DMD: variants seen among roughly 807,000 people sequenced by gnomAD.
The protein encoded by DMD is mutant dystrophin.
DMD carries 63 observed loss-of-function variants against 330.1 expected under a neutral mutation model. The observed-to-expected ratio is 0.19, with a 90% CI of 0.16 to 0.24. The LOEUF (loss-of-function observed/expected upper bound fraction) is 0.24, where lower values mean the gene tolerates loss of function less well. DMD is among the 10% of genes least tolerant of loss of function. The pLI, the probability that DMD is intolerant of heterozygous loss-of-function variation, is 1.00. For missense variants in DMD, 3,344 were observed against 2,684.1 expected (o/e 1.25, Z -5.43); for synonymous variants, 1,223 against 959.8 (o/e 1.27, Z -5.07).
intron 44 of DMD, among the ~76,000 whole-genome samples, chrX:32,024,183 G>A (rs931610168): frequency 8.9e-6 from 1 of 111,959 alleles, no homozygotes; most frequent in Non-Finnish European, 1.9e-5. Context: ...TGTGTACTTC[G>A]CTTAAAATAT....
intron 47 of DMD, among the ~76,000 whole-genome samples, chrX:31,906,002 A>G (rs1179212737): frequency 8.9e-6 from 1 of 111,931 alleles, no homozygotes; most frequent in African/African-American, 3.2e-5. Flanking sequence ...GTCTGTACCA[A>G]AAGCTCATCT....
At chrX:31,854,847 C>T (rs1020490488) in intron 48 of DMD, among the ~76,000 whole-genome samples, 1 of 111,139 alleles carries the variant, frequency 9.0e-6, no homozygotes, top group Admixed American at 9.6e-5. Context: ...CGGGAGCTAC[C>T]CTGTGTACTG....
At chrX:31,930,639 G>C (rs6631435) in intron 46 of DMD, among the ~76,000 whole-genome samples, 1 of 111,789 alleles carries the variant, frequency 8.9e-6, no homozygotes, top group Admixed American at 9.6e-5. Context: ...GTATTCAAAA[G>C]GCACAAATAG....
intron 41 of DMD, among the ~76,000 whole-genome samples, chrX:32,332,838 AT>A (rs66969055): frequency 0.051 from 5,494 of 106,999 alleles, 336 homozygotes; most frequent in African/African-American, 0.17. Context: ...GCATGCGTAG[AT>A]TTTTTTTTTT....
At chrX:31,228,275 TAAA>T (rs779738772) in intron 63 of DMD, among the ~76,000 whole-genome samples, 941 of 83,958 alleles carry the variant, frequency 0.011, 18 homozygotes, top group African/African-American at 0.037. Context: ...AATAAAAAAA[TAAA>T]AAAAAAAAAA....
intron 41 of DMD, among the ~76,000 whole-genome samples, chrX:32,321,787 A>C (rs941110969): frequency 8.9e-6 from 1 of 112,001 alleles, no homozygotes; most frequent in African/African-American, 3.2e-5. Context: ...CTTAGGCATG[A>C]GAGAAAATAA....
chrX:32,539,802 A>T (rs2048332385), intron 17 of DMD, among the ~76,000 whole-genome samples: 1 of 111,692 alleles, frequency 9.0e-6, no homozygotes, highest in Admixed American at 9.5e-5. Flanking sequence ...AGTAGAATAT[A>T]TAATAATAAT....
At chrX:31,502,939 A>T (rs2070552623) in intron 56 of DMD, among the ~76,000 whole-genome samples, 1 of 111,926 alleles carries the variant, frequency 8.9e-6, no homozygotes, top group Non-Finnish European at 1.9e-5. Flanking sequence ...GTGTGTGTAC[A>T]TTTAAGTAAA....
At chrX:32,608,197 A>G (rs1403346845) in intron 12 of DMD, among the ~76,000 whole-genome samples, 1 of 110,045 alleles carries the variant, frequency 9.1e-6, no homozygotes, top group Non-Finnish European at 1.9e-5. Context: ...CATGGATTTT[A>G]TATTATTATT....
At chrX:32,990,570 T>C (rs2092947793) in intron 2 of DMD, among the ~76,000 whole-genome samples, 1 of 112,118 alleles carries the variant, frequency 8.9e-6, no homozygotes, top group Non-Finnish European at 1.9e-5. Context: ...TTGTAGATTC[T>C]ATGCTATGCT....
At chrX:32,832,155 A>T (rs781197594) in intron 4 of DMD, among the ~76,000 whole-genome samples, 53 of 111,468 alleles carry the variant, frequency 4.8e-4, no homozygotes, top group African/African-American at 1.5e-3. Flanking sequence ...TTTTAAAATT[A>T]GCTAAGGGAG....
At chrX:32,464,004 C>T (rs1186252484) in intron 24 of DMD, among the ~76,000 whole-genome samples, 1 of 111,097 alleles carries the variant, frequency 9.0e-6, no homozygotes, top group Non-Finnish European at 1.9e-5. Context: ...GCTTTTTTAG[C>T]TTGTATTGTA....
At position 32,487,026 on chromosome X, in the gene DMD, T is replaced by C. The variant is rs917460213; in HGVS notation, c.2623-1927A>G. The stretch of plus-strand genomic sequence containing the variant: ...GGATCTAATTAAACTAAAGAGCTTC[T>C]GCACAGCAAAAGAAACTACCATCAG... On this transcript the variant is annotated intron_variant, in intron 20 of 78. Coordinates refer to ENST00000357033, the MANE Select transcript of DMD (RefSeq NM_004006.3). 4.5e-5 allele frequency among the ~76,000 whole-genome samples: 5 copies of C among 111,082 alleles called. No individual in the cohort carries two copies. The Admixed American group carries it at 4.8e-4, about 11-fold the overall frequency.
intron 44 of DMD, among the ~76,000 whole-genome samples, chrX:32,099,939 G>T: frequency 9.2e-6 from 1 of 109,124 alleles, no homozygotes; most frequent in East Asian, 2.9e-4. Context: ...TTTTTCCTAG[G>T]ACTGGCATAA....
At chrX:32,927,363 CTTTTTTTTTTTTTTT>C (rs536073565) in intron 2 of DMD, among the ~76,000 whole-genome samples, 2 of 57,036 alleles carry the variant, frequency 3.5e-5, no homozygotes, top group South Asian at 2.3e-3. Context: ...TTCTTTCTTT[CTTTTTTTTTTTTTTT>C]TTTTTTTTTG....
intron 44 of DMD, among the ~76,000 whole-genome samples, chrX:32,067,307 T>C (rs1258196985): frequency 9.0e-6 from 1 of 111,527 alleles, no homozygotes; most frequent in East Asian, 2.8e-4. Context: ...TTTTTATGTA[T>C]AATACATTAG....
At chrX:32,520,264 A>T (rs1266321215) in intron 17 of DMD, among the ~76,000 whole-genome samples, 2 of 111,949 alleles carry the variant, frequency 1.8e-5, no homozygotes, top group African/African-American at 6.5e-5. Context: ...ATGCTGTAAA[A>T]ATCTTTCACA....
At chrX:32,014,792 T>G (rs1199442442) in intron 44 of DMD, among the ~76,000 whole-genome samples, 1 of 111,999 alleles carries the variant, frequency 8.9e-6, no homozygotes, top group Non-Finnish European at 1.9e-5. Flanking sequence ...TCTAGTTGGG[T>G]CAGAGATTAA....
At chrX:32,728,915 T>A (rs192467604) in intron 7 of DMD, among the ~76,000 whole-genome samples, 330 of 112,014 alleles carry the variant, frequency 2.9e-3, no homozygotes, top group Non-Finnish European at 4.5e-3. Context: ...ACTGAAATAC[T>A]TTTACCTATC....
Sources: allele counts gnomAD v4.1 joint callset (sites outside exome capture counted in the v4.1 genomes callset), GRCh38; gene constraint gnomAD v4.1.1; transcripts MANE v1.5; gene names NCBI Gene and HGNC (gene_info 2026-07-23, HGNC 2026-07-21).